Variants in LBHD1 observed in about 807,000 individuals in gnomAD.
LBHD1 encodes the protein LBH domain containing 1.
A neutral mutation model predicts 31.1 loss-of-function variants in LBHD1; 28 were observed. That is an observed-to-expected ratio of 0.90 (90% CI 0.67 to 1.24). The LOEUF is 1.24. Ranked by LOEUF, LBHD1 falls within the 50% of genes most tolerant of loss-of-function variation. LBHD1 has a pLI of 0.00. For synonymous variants in LBHD1, 105 were observed against 116.5 expected, an observed-to-expected ratio of 0.90 and a Z score of 0.63; for missense variants, 350 against 323.0, an observed-to-expected ratio of 1.08 and a Z score of -0.64.
In LBHD1 at chr11:62,671,830, A is replaced by T. The variant is rs781087247; in HGVS notation, c.-277T>A. On this transcript the variant is annotated 5_prime_UTR_variant, in exon 1 of 7. Transcript: ENST00000354588. ...GGGCTACGCGCTCCTCGTTATCGTGACCCCGGGAGAGCGGCGGAAGCAGGA... is the reference window on the plus strand; with the variant it reads ...GGGCTACGCGCTCCTCGTTATCGTGTCCCCGGGAGAGCGGCGGAAGCAGGA... The T allele has an allele frequency of 6.2e-7, 1 of 1,613,958 alleles. No homozygotes were observed. The highest frequency in any genetic ancestry group is 1.1e-5 in the South Asian group (1 of 91,080).
intron 4 of LBHD1, chr11:62,665,431 C>G (rs114019582): frequency 1.1e-5 from 17 of 1,541,792 alleles, no homozygotes; most frequent in Non-Finnish European, 1.5e-5. Context: ...CCCTCCTTTT[C>G]TTGGCGGGGA....
intron 4 of LBHD1, chr11:62,665,707 C>T: frequency 1.4e-6 from 2 of 1,462,466 alleles, no homozygotes; most frequent in Non-Finnish European, 1.8e-6. Flanking sequence ...GCCGTTCCTA[C>T]CATAGTCTGT....
Position 62,672,123 on chromosome 11 carries a change from T to A in LBHD1, c.-570A>T, listed in dbSNP as rs1337285453. ...GCGGGAGGTCACCGTGAGACCGGAC[T>A]TGCCTCCGTGGGCGCCGGACCTTGG... On this transcript the variant is annotated 5_prime_UTR_variant, in exon 1 of 7. It adds an upstream start codon to the 5' untranslated region. Coordinates refer to ENST00000354588, the MANE Select transcript of LBHD1 (RefSeq NM_024099.5). The A allele has an allele frequency of 6.4e-7, 1 of 1,564,374 alleles. No individual in the cohort carries two copies. Among genetic ancestry groups the A allele is most frequent in the African/African-American group, 1.3e-5 (1 of 74,086 alleles).
intron 3 of LBHD1, chr11:62,669,421 A>G (rs973224672): frequency 5.1e-6 from 5 of 984,960 alleles, no homozygotes; most frequent in South Asian, 4.7e-5. Context: ...GAAGAAAAAG[A>G]AAGTACAGAT....
chr11:62,667,809 G>A, intron 3 of LBHD1, 62 bp from the exon 4 acceptor site: 2 of 1,211,158 alleles, frequency 1.7e-6, no homozygotes, highest in South Asian at 2.7e-5. Context: ...TACAAAACTA[G>A]GCCAGGCATG....
chr11:62,665,423 C>T (rs770046312), intron 4 of LBHD1: 59 of 1,514,986 alleles, frequency 3.9e-5, no homozygotes, highest in Non-Finnish European at 5.1e-5. Flanking sequence ...TCTCAGGACC[C>T]TCCTTTTCTT....
chr11:62,666,352 A>G, intron 4 of LBHD1: 2 of 1,594,564 alleles, frequency 1.3e-6, no homozygotes. Flanking sequence ...ACGTTTTTGC[A>G]GTGGCGACAT....
chr11:62,670,223 T>G, intron 1 of LBHD1, 182 bp from the exon 2 acceptor site: 1 of 637,456 alleles, frequency 1.6e-6, no homozygotes, highest in Non-Finnish European at 2.6e-6. Context: ...TTCTACTTAC[T>G]CCCTGGAGAC....
chr11:62,664,104 A>AAGGACAC (rs1944727127), intron 5 of LBHD1, among the ~76,000 whole-genome samples: 1 of 149,884 alleles, frequency 6.7e-6, no homozygotes. Context: ...AAAAAAAAAA[A>AAGGACAC]AGGACACAGA....
intron 4 of LBHD1, chr11:62,665,186 C>T (rs1281386741): frequency 4.9e-6 from 4 of 817,666 alleles, no homozygotes; most frequent in African/African-American, 3.4e-5. Context: ...GATTCCACTC[C>T]AGTTCACGGT....
chr11:62,664,956 C>G lies in LBHD1; in HGVS notation c.556G>C (p.Val186Leu). The part of the protein sequence containing the change: ...NSFEGAEEEA[V>L]QTPAGVESGA... Reference sequence around the variant, plus strand: ...GATTCAACACCCGCCGGCGTTTGAACAGCTTCTTCTTCAGCTCCTGCCGGG... The same window carrying G: ...GATTCAACACCCGCCGGCGTTTGAAGAGCTTCTTCTTCAGCTCCTGCCGGG... Residue 186 changes from valine (V) to leucine (L), a missense_variant, in exon 5 of 7, where the codon GTT becomes CTT. Coordinates refer to ENST00000354588, the MANE Select transcript of LBHD1 (RefSeq NM_024099.5). 1 of 1,612,186 alleles carries G rather than the reference C, an allele frequency of 6.2e-7. No individual in the cohort carries two copies. The highest frequency in any genetic ancestry group is 8.5e-7 in the Non-Finnish European group (1 of 1,179,602).
At position 62,669,604 on chromosome 11, in the gene LBHD1, G is replaced by A. The variant is rs79221381; in HGVS notation, c.313+37C>T. 1,082 of 1,589,644 alleles carry A rather than the reference G, an allele frequency of 6.8e-4. 6 individuals are homozygous for A. In the African/African-American group the frequency reaches 0.013, roughly 20 times the overall value. ...ATCTTGGCTCTGCCCAGAACATTCA[G>A]CTCACAGTGGCCCCCTGAATGAGCC... On this transcript the variant is annotated intron_variant, in intron 3 of 6. Coordinates refer to ENST00000354588, the MANE Select transcript of LBHD1 (RefSeq NM_024099.5).
chr11:62,670,171 AG>A, intron 1 of LBHD1, 130 bp from the exon 2 acceptor site: 1 of 987,382 alleles, frequency 1.0e-6, no homozygotes, highest in Non-Finnish European at 1.5e-6. Flanking sequence ...ATACGCTTTC[AG>A]GGGAGGGGAA....
intron 4 of LBHD1, chr11:62,666,296 T>A (rs776521708): frequency 1.4e-4 from 177 of 1,251,858 alleles, no homozygotes; most frequent in Non-Finnish European, 2.0e-4. Context: ...GGTCACAGAG[T>A]GAGACCCTGT....
At chr11:62,669,314 G>T in intron 3 of LBHD1, 2 of 816,618 alleles carry the variant, frequency 2.4e-6, no homozygotes, top group Non-Finnish European at 3.0e-6. Context: ...GGAGAATGGC[G>T]TGAACCCAGG....
At chr11:62,663,384 G>C in intron 5 of LBHD1, 51 bp from the exon 6 acceptor site, 6 of 1,563,088 alleles carry the variant, frequency 3.8e-6, no homozygotes, top group Non-Finnish European at 5.3e-6. Flanking sequence ...AACCAACTGA[G>C]GTCACACAAA....
Position 62,664,922 on chromosome 11 carries a change from G to T in LBHD1, c.590C>A (p.Ala197Glu). ...GCCCCGACCACCCGGTGCCTCAGAC[G>T]CCGCTCCCGATTCAACACCCGCCGG... ...QTPAGVESGA[A>E]SEAPGGRGCD... Residue 197 changes from alanine to glutamate, a missense_variant, in exon 5 of 7, where the codon GCG becomes GAG. Transcript: ENST00000354588. 6.2e-7 allele frequency: 1 copy of T among 1,604,224 alleles called. No individual in the cohort carries two copies. The highest frequency in any genetic ancestry group is 8.5e-7 in the Non-Finnish European group (1 of 1,175,740).
chr11:62,665,852 C>T, intron 4 of LBHD1: 3 of 1,609,792 alleles, frequency 1.9e-6, no homozygotes, highest in Middle Eastern at 1.7e-4. Context: ...ACATAAGCTT[C>T]TCTGGTCGAA....
In LBHD1 at chr11:62,663,327, A is replaced by C; in HGVS notation, c.670T>G (p.Cys224Gly). 1 of 1,613,944 alleles carries C rather than the reference A, an allele frequency of 6.2e-7. No individual in the cohort carries two copies. The highest frequency in any genetic ancestry group is 8.5e-7 in the Non-Finnish European group (1 of 1,179,904). The change falls in exon 6 of 7, where the codon TGC becomes GGC. Residue 224 changes from cysteine (C) to glycine (G), a missense_variant. Transcript: ENST00000354588. ...AAPPQEAGVQ[C>G]TCQHYTVREE... ...CTGACAGTGTAATGTTGGCACGTGCACTGGACCTGATGGGTAAGTGGAAAT... is the reference window on the plus strand; with the variant it reads ...CTGACAGTGTAATGTTGGCACGTGCCCTGGACCTGATGGGTAAGTGGAAAT...
Sources: gnomAD v4.1 joint callset for allele counts (sites outside exome capture counted in the v4.1 genomes callset) on GRCh38, gnomAD v4.1.1 for gene constraint, MANE v1.5 for transcripts, NCBI Gene and HGNC (gene_info 2026-07-23, HGNC 2026-07-21) for gene names.